Variants in TOP2A observed in about 807,000 individuals in gnomAD.
TOP2A encodes the protein DNA topoisomerase II alpha.
A neutral mutation model predicts 187.2 loss-of-function variants in TOP2A; 68 were observed. That is an observed-to-expected ratio of 0.36 (90% CI 0.30 to 0.44). TOP2A has a LOEUF of 0.44. Ranked by LOEUF, TOP2A falls within the 20% of genes least tolerant of loss-of-function variation. The pLI, the probability that TOP2A is intolerant of heterozygous loss-of-function variation, is 1.00. For synonymous variants in TOP2A, 542 were observed against 593.2 expected, an observed-to-expected ratio of 0.91 and a Z score of 1.25; for missense variants, 1,196 against 1,808.7, an observed-to-expected ratio of 0.66 and a Z score of 6.14.
chr17:40,389,444 G>T lies in TOP2A; in HGVS notation c.*75C>A, dbSNP rs2034995201. On this transcript the variant is annotated 3_prime_UTR_variant, in exon 35 of 35. Coordinates refer to ENST00000423485, the MANE Select transcript of TOP2A (RefSeq NM_001067.4). ...CCAAACTAAATTCAGAGGGGAGGAA[G>T]TTAAGAGCTTCAGGTAACTTTAAAA... 4 of 1,499,034 alleles carry T rather than the reference G, an allele frequency of 2.7e-6. No individual in the cohort carries two copies. In the South Asian group the frequency reaches 5.1e-5, roughly 19 times the overall value. 92.9% of individuals were successfully genotyped at this position (1,499,034 alleles called of 1,614,324 possible). A position where few individuals can be genotyped will look rare whatever the true frequency, so the allele number is the denominator to read the frequency against.
Position 40,411,447 on chromosome 17 carries a change from T to C in TOP2A, c.972A>G (p.Arg324=). 1 of 1,613,552 alleles carries C rather than the reference T, an allele frequency of 6.2e-7. No individual in the cohort carries two copies. Among genetic ancestry groups the C allele is most frequent in the South Asian group, 1.1e-5 (1 of 91,076 alleles). ...VNSIATSKGG[R]HVDYVADQIV... Reference sequence around the variant, plus strand: ...TCTGATCAGCTACATAATCAACATGTCTGCCACCCTAATAAGGAAAAATAC... The same window carrying C: ...TCTGATCAGCTACATAATCAACATGCCTGCCACCCTAATAAGGAAAAATAC... Residue 324 remains arginine (R), a synonymous_variant, in exon 9 of 35, where the codon AGA becomes AGG. Transcript: ENST00000423485. This position sits in a 1 kb window ranked among gnomAD's most constrained non-coding sequence, Gnocchi z 4.4.
chr17:40,414,537 C>T lies in TOP2A; in HGVS notation c.333-912G>A, dbSNP rs555305406. 2.6e-5 allele frequency among the ~76,000 whole-genome samples: 4 copies of T among 152,122 alleles called. No individual in the cohort carries two copies. In the South Asian group the frequency reaches 6.2e-4, roughly 24 times the overall value. ...AAGAGGATCATCTATACATCTCGTT[C>T]CCACTCAACAAAGTACATAAAAACA... On this transcript the variant is annotated intron_variant, in intron 4 of 34. Coordinates refer to ENST00000423485, the MANE Select transcript of TOP2A (RefSeq NM_001067.4).
intron 7 of TOP2A, 151 bp downstream of exon 7, chr17:40,412,608 C>G: frequency 1.5e-6 from 1 of 662,444 alleles, no homozygotes; most frequent in Non-Finnish European, 2.6e-6. Context: ...CGTGCCACTG[C>G]ACTCCAGCCC....
chr17:40,413,733 G>T, intron 4 of TOP2A, 108 bp from the exon 5 acceptor site: 1 of 576,294 alleles, frequency 1.7e-6, no homozygotes. Context: ...TTCAGGCTGG[G>T]CGCGGTGGCC....
intron 3 of TOP2A, 71 bp downstream of exon 3, chr17:40,416,351 T>C: frequency 8.9e-7 from 1 of 1,120,270 alleles, no homozygotes; most frequent in South Asian, 1.5e-5. Flanking sequence ...TTATCTTTTT[T>C]AAATTTTTAT....
intron 19 of TOP2A, among the ~76,000 whole-genome samples, chr17:40,403,324 T>G (rs1284574209): frequency 6.6e-6 from 1 of 152,238 alleles, no homozygotes; most frequent in Non-Finnish European, 1.5e-5. Flanking sequence ...TCCTCCTTTG[T>G]GTTACAATGC....
At chr17:40,405,870 G>A (rs895638058) in intron 16 of TOP2A, among the ~76,000 whole-genome samples, 40 of 151,496 alleles carry the variant, frequency 2.6e-4, no homozygotes, top group African/African-American at 9.2e-4. Context: ...GGGTTCAAGC[G>A]ATTCTCCTGC....
chr17:40,389,654 G>C lies in TOP2A; in HGVS notation c.4468-7C>G. 6.2e-7 allele frequency: 1 copy of C among 1,607,086 alleles called. No homozygotes were observed. On this transcript the variant is annotated splice_region_variant and splice_polypyrimidine_tract_variant and intron_variant, in intron 34 of 34. Coordinates refer to ENST00000423485, the MANE Select transcript of TOP2A (RefSeq NM_001067.4). Reference sequence around the variant, plus strand: ...CACTCTCCCCCTTGGATTTCTAAAAGAGAAAAGCCCAGGTAACTTGCACAT... The same window carrying C: ...CACTCTCCCCCTTGGATTTCTAAAACAGAAAAGCCCAGGTAACTTGCACAT...
chr17:40,408,390 A>T, intron 11 of TOP2A, 102 bp downstream of exon 11: 1 of 1,231,556 alleles, frequency 8.1e-7, no homozygotes, highest in Non-Finnish European at 1.1e-6. Flanking sequence ...TGTTGAATAT[A>T]GTTATTCTGT....
intron 20 of TOP2A, among the ~76,000 whole-genome samples, chr17:40,402,672 C>G (rs1004096456): frequency 2.6e-5 from 4 of 152,136 alleles, no homozygotes; most frequent in African/African-American, 9.7e-5. Context: ...GAATCAAAGT[C>G]TCCTTTACTC....
At position 40,411,765 on chromosome 17, in the gene TOP2A, T is replaced by G; in HGVS notation, c.843A>C (p.Glu281Asp). The change falls in exon 8 of 35, where the codon GAA becomes GAC. Residue 281 changes from glutamate to aspartate, a missense_variant. Physicochemically the swap from Glu to Asp is conservative, Grantham distance 45. This residue lies in a region of TOP2A where 252 missense variants were observed against 434.8 expected (regional missense o/e 0.58). Transcript: ENST00000423485. The surrounding 1 kb of genome is among the most constrained non-coding windows in gnomAD (Gnocchi z 4.4). ...VDMYLKDKLD[E>D]TGNSLKVIHE... is the part of the protein sequence containing the mutation. The stretch of plus-strand genomic sequence containing the variant: ...GTATTACTTTCAAGGAGTTACCAGT[T>G]TCATCCAACTTGTCCTTCAAATACA... 1 of 1,610,604 alleles carries G rather than the reference T, an allele frequency of 6.2e-7. No individual in the cohort carries two copies. The highest frequency in any genetic ancestry group is 8.5e-7 in the Non-Finnish European group (1 of 1,178,934).
intron 16 of TOP2A, among the ~76,000 whole-genome samples, chr17:40,405,464 T>TG (rs1003740793): frequency 5.4e-5 from 8 of 148,350 alleles, no homozygotes; most frequent in Admixed American, 1.3e-4. Context: ...TTTGTTTTTT[T>TG]TTTTTTTTGA....
chr17:40,409,960 T>C (rs764963850), intron 10 of TOP2A: 1 of 177,260 alleles, frequency 5.6e-6, no homozygotes, highest in Non-Finnish European at 1.2e-5. Context: ...TGGTGATGCA[T>C]GCCTGTAATC....
At chr17:40,392,382 T>G (rs2035035893) in intron 30 of TOP2A, 41 bp from the exon 31 acceptor site, 2 of 1,556,570 alleles carry the variant, frequency 1.3e-6, no homozygotes, top group Admixed American at 4.0e-5. Flanking sequence ...AAGAGGGTAG[T>G]AGGAGAAACA....
At chr17:40,401,203 A>G in intron 20 of TOP2A, 122 bp from the exon 21 acceptor site, 1 of 779,882 alleles carries the variant, frequency 1.3e-6, no homozygotes, top group South Asian at 1.8e-5. Flanking sequence ...ACTAATATAC[A>G]TTTAACAATA....
At chr17:40,390,202 T>C (rs1431563839) in intron 33 of TOP2A, 38 bp from the exon 34 acceptor site, 1 of 1,556,966 alleles carries the variant, frequency 6.4e-7, no homozygotes, top group South Asian at 1.2e-5. Flanking sequence ...AGCTGCTCTT[T>C]TTTTGAGATG....
chr17:40,416,630 C>T, intron 2 of TOP2A, 110 bp downstream of exon 2: 2 of 1,449,950 alleles, frequency 1.4e-6, no homozygotes, highest in East Asian at 2.3e-5. Context: ...TCCAGTGACA[C>T]TCAGTACATG....
At chr17:40,409,409 G>C (rs942457322) in intron 10 of TOP2A, 1 of 423,812 alleles carries the variant, frequency 2.4e-6, no homozygotes, top group African/African-American at 2.1e-5. Context: ...AATAAAATTA[G>C]ACACAAATAA....
chr17:40,395,550 G>A lies in TOP2A; in HGVS notation c.3721-11C>T, dbSNP rs2035085118. ...TTCAGTATTTTCATTCTAAAAGATA[G>A]CAAAGTTAGGGTTGGATATAGAATA... On this transcript the variant is annotated splice_polypyrimidine_tract_variant and intron_variant, in intron 28 of 34. Coordinates refer to ENST00000423485, the MANE Select transcript of TOP2A (RefSeq NM_001067.4). 6.4e-7 allele frequency: 1 copy of A among 1,563,842 alleles called. No individual in the cohort carries two copies. Among genetic ancestry groups the A allele is most frequent in the Non-Finnish European group, 8.8e-7 (1 of 1,138,596 alleles).
Sources: gnomAD v4.1 joint callset for allele counts (sites outside exome capture counted in the v4.1 genomes callset) on GRCh38, gnomAD v4.1.1 for gene constraint, gnomAD v4.1.1 regional missense constraint, Gnocchi (gnomAD v3.1) non-coding constraint, MANE v1.5 for transcripts, NCBI Gene and HGNC (gene_info 2026-07-23, HGNC 2026-07-21) for gene names.